The following COTL1 variants were observed in gnomAD, a reference collection of about 807,000 sequenced individuals.
The protein encoded by COTL1 is coactosin like F-actin binding protein 1.
A neutral mutation model predicts 16.5 loss-of-function variants in COTL1; 15 were observed. The observed-to-expected ratio is 0.91, with a 90% confidence interval of 0.61 to 1.40. The LOEUF is 1.40. Ranked by LOEUF, COTL1 falls within the 40% of genes most tolerant of loss-of-function variation. The pLI, the probability that COTL1 is intolerant of heterozygous loss-of-function variation, is 0.00. For missense variants in COTL1, 220 were observed against 201.5 expected (o/e 1.09, Z -0.56); for synonymous variants, 112 against 85.3 (o/e 1.31, Z -1.73).
chr16:84,604,650 A>G (rs1479832394), intron 2 of COTL1, among the ~76,000 whole-genome samples: 1 of 152,114 alleles, frequency 6.6e-6, no homozygotes, highest in Non-Finnish European at 1.5e-5. Flanking sequence ...AGGTTTGGCC[A>G]AATCCAGAGA....
intron 2 of COTL1, among the ~76,000 whole-genome samples, chr16:84,613,730 T>G (rs1262597375): frequency 6.6e-6 from 1 of 152,162 alleles, no homozygotes; most frequent in Admixed American, 6.5e-5. Context: ...AGCAGAGATG[T>G]TAAGGGGCAA....
Position 84,591,634 on chromosome 16 carries a change from T to TAAAAA in COTL1, c.161-1377_161-1373dup, listed in dbSNP as rs372775821. Among the ~76,000 whole-genome samples the TAAAAA allele has an allele frequency of 8.4e-4, 63 of 75,170 alleles. 1 individual carries two copies. Among genetic ancestry groups the TAAAAA allele is most frequent in the African/African-American group, 3.1e-3 (61 of 19,966 alleles). 49.3% of individuals were successfully genotyped at this position (75,170 alleles called of 152,430 possible). A position where few individuals can be genotyped will look rare whatever the true frequency, so the allele number is the denominator to read the frequency against. On this transcript the variant is annotated intron_variant, in intron 2 of 3. Transcript: ENST00000262428. ...GGGCAACATGGAGAAATCACCTCTC[T>TAAAAA]AAAAAAAAAAAAAAAAAAAAAAAAA... is the stretch of plus-strand genomic sequence containing the variant.
intron 3 of COTL1, among the ~76,000 whole-genome samples, chr16:84,570,131 C>A (rs902629847): frequency 2.6e-5 from 4 of 152,124 alleles, no homozygotes; most frequent in African/African-American, 9.7e-5. Flanking sequence ...TAAAAATCAG[C>A]TGGGTGTAGT....
At chr16:84,584,095 G>A (rs1291672238) in intron 3 of COTL1, among the ~76,000 whole-genome samples, 1 of 152,214 alleles carries the variant, frequency 6.6e-6, no homozygotes, top group African/African-American at 2.4e-5. Context: ...CAATCCTGCA[G>A]AGACACGAGA....
At chr16:84,608,065 G>A (rs544787862) in intron 2 of COTL1, among the ~76,000 whole-genome samples, 3 of 152,068 alleles carry the variant, frequency 2.0e-5, no homozygotes, top group South Asian at 4.2e-4. Context: ...CTGGAGGGAG[G>A]TAAAGTGGAT....
intron 2 of COTL1, among the ~76,000 whole-genome samples, chr16:84,598,839 A>C (rs1056292372): frequency 2.8e-5 from 1 of 35,900 alleles, no homozygotes; most frequent in Non-Finnish European, 6.5e-5. Flanking sequence ...GGGAGCAAGC[A>C]GGGGGGGTCC....
At chr16:84,609,008 A>G (rs557484272) in intron 2 of COTL1, among the ~76,000 whole-genome samples, 2 of 152,214 alleles carry the variant, frequency 1.3e-5, no homozygotes, top group East Asian at 1.9e-4. Flanking sequence ...TCAGCACTTT[A>G]TAACTGCCCA....
intron 3 of COTL1, among the ~76,000 whole-genome samples, chr16:84,570,941 T>TCC (rs1179497851): frequency 7.1e-6 from 1 of 140,944 alleles, no homozygotes; most frequent in Non-Finnish European, 1.5e-5. Flanking sequence ...AATTGAGTCT[T>TCC]CCCTCATTCC....
intron 3 of COTL1, among the ~76,000 whole-genome samples, chr16:84,589,001 C>G (rs901075670): frequency 6.6e-6 from 1 of 151,702 alleles, no homozygotes; most frequent in South Asian, 2.1e-4. Context: ...GACAGGAATT[C>G]GCTCTGTTGC....
intron 3 of COTL1, among the ~76,000 whole-genome samples, chr16:84,588,962 ATTTTTTATTTG>A (rs1188145116): frequency 6.6e-6 from 1 of 151,316 alleles, no homozygotes. Flanking sequence ...TTAGACTATT[ATTTTTTATTTG>A]TTTTTTATTT....
Position 84,590,391 on chromosome 16 carries a change from G to C in COTL1, c.161-129C>G, listed in dbSNP as rs1023335658. On this transcript the variant is annotated intron_variant, in intron 2 of 3. Transcript: ENST00000262428. This position sits in a 1 kb window ranked among gnomAD's most constrained non-coding sequence, Gnocchi z 5.5. ...GCAGGAGACCGGTGCAGTTCCCTGG[G>C]AGCACCATGTGCAGAGGACAGGAGG... is the stretch of plus-strand genomic sequence containing the variant. 75 of 1,035,124 alleles carry C rather than the reference G, an allele frequency of 7.2e-5. No homozygotes were observed. Among genetic ancestry groups the C allele is most frequent in the Non-Finnish European group, 9.9e-5 (71 of 715,266 alleles). 64.1% of individuals were successfully genotyped at this position (1,035,124 alleles called of 1,614,324 possible).
At chr16:84,570,144 C>T (rs1904318112) in intron 3 of COTL1, among the ~76,000 whole-genome samples, 2 of 152,210 alleles carry the variant, frequency 1.3e-5, no homozygotes, top group East Asian at 1.9e-4. Flanking sequence ...GGTGTAGTGG[C>T]GCGAGCCTGT....
chr16:84,592,420 G>C (rs984345512), intron 2 of COTL1, among the ~76,000 whole-genome samples: 4 of 152,100 alleles, frequency 2.6e-5, no homozygotes, highest in African/African-American at 7.2e-5. Context: ...GCTGGTGTGA[G>C]GGTTTCTCAG....
chr16:84,576,009 A>C (rs1197239497), intron 3 of COTL1: 4 of 152,222 alleles, frequency 2.6e-5, no homozygotes, highest in Non-Finnish European at 5.9e-5. Flanking sequence ...GATTTAATGA[A>C]GTTCCCTCAG....
At chr16:84,573,790 C>G (rs1222222734) in intron 3 of COTL1, among the ~76,000 whole-genome samples, 1 of 151,320 alleles carries the variant, frequency 6.6e-6, no homozygotes, top group Non-Finnish European at 1.5e-5. Flanking sequence ...CACACACACA[C>G]ACACTCAACG....
intron 2 of COTL1, among the ~76,000 whole-genome samples, chr16:84,598,631 G>A (rs1216614324): frequency 1.4e-5 from 2 of 139,490 alleles, no homozygotes. Context: ...CCCCATCTGT[G>A]CCTCCTCCTC....
chr16:84,569,166 C>T (rs1904311226), intron 3 of COTL1: 1 of 152,128 alleles, frequency 6.6e-6, no homozygotes, highest in Non-Finnish European at 1.5e-5. Flanking sequence ...ACTAAAACTA[C>T]AAAAATCAGC....
intron 2 of COTL1, among the ~76,000 whole-genome samples, chr16:84,601,077 T>C (rs891889990): frequency 2.6e-5 from 4 of 152,128 alleles, no homozygotes; most frequent in African/African-American, 7.2e-5. Context: ...ATAGCATCTA[T>C]AAGGAGACGC....
At chr16:84,571,997 C>T (rs1450975010) in intron 3 of COTL1, among the ~76,000 whole-genome samples, 1 of 152,248 alleles carries the variant, frequency 6.6e-6, no homozygotes, top group East Asian at 1.9e-4. Context: ...GTGGACTCCA[C>T]AGAATGTCCC....
Sources: allele counts gnomAD v4.1 joint callset (sites outside exome capture counted in the v4.1 genomes callset), GRCh38; gene constraint gnomAD v4.1.1; non-coding constraint Gnocchi (gnomAD v3.1); transcripts MANE v1.5; gene names NCBI Gene and HGNC (gene_info 2026-07-23, HGNC 2026-07-21).